Variants in KCNH5 observed in about 807,000 individuals in gnomAD.
KCNH5 encodes the protein voltage-gated delayed rectifier potassium channel KCNH5.
A neutral mutation model predicts 96.1 loss-of-function variants in KCNH5; 46 were observed. The observed-to-expected ratio is 0.48, with a 90% CI of 0.38 to 0.61. The LOEUF (loss-of-function observed/expected upper bound fraction) is 0.61. KCNH5 is among the 20% of genes least tolerant of loss of function. The probability of loss-of-function intolerance (pLI) is 0.00; values close to 1 mark genes in which losing one functional copy is unlikely to be tolerated. For missense variants in KCNH5, 907 were observed against 1,225.8 expected, an observed-to-expected ratio of 0.74 and a Z score of 3.88; for synonymous variants, 439 against 449.8, an observed-to-expected ratio of 0.98 and a Z score of 0.30.
At chr14:62,819,125 C>T (rs1887062430) in intron 8 of KCNH5, among the ~76,000 whole-genome samples, 1 of 152,046 alleles carries the variant, frequency 6.6e-6, no homozygotes, top group South Asian at 2.1e-4. Flanking sequence ...CGCCACCACG[C>T]CCAGCTAATT....
intron 10 of KCNH5, among the ~76,000 whole-genome samples, chr14:62,773,207 T>C (rs1886026887): frequency 6.6e-6 from 1 of 152,182 alleles, no homozygotes; most frequent in Non-Finnish European, 1.5e-5. Context: ...TAAGTGAACT[T>C]AGGCAATCAC....
chr14:63,007,099 C>A (rs1891141961), intron 2 of KCNH5, among the ~76,000 whole-genome samples: 1 of 152,130 alleles, frequency 6.6e-6, no homozygotes, highest in African/African-American at 2.4e-5. Context: ...AATGTCAATA[C>A]TACTGCCATT....
At chr14:62,866,539 G>A (rs1003518781) in intron 7 of KCNH5, among the ~76,000 whole-genome samples, 3 of 152,160 alleles carry the variant, frequency 2.0e-5, no homozygotes, top group African/African-American at 7.2e-5. Context: ...TGGCAGAAAT[G>A]TCAACTATAA....
intron 10 of KCNH5, among the ~76,000 whole-genome samples, chr14:62,752,204 T>A (rs1026574182): frequency 1.3e-5 from 2 of 152,142 alleles, no homozygotes; most frequent in Admixed American, 1.3e-4. Context: ...AGCCAATACC[T>A]CATCTGCATG....
intron 7 of KCNH5, among the ~76,000 whole-genome samples, chr14:62,883,690 G>A (rs1475480390): frequency 6.6e-6 from 1 of 152,044 alleles, no homozygotes; most frequent in Non-Finnish European, 1.5e-5. Flanking sequence ...GATAATGAGG[G>A]TGGAGGGAGA....
At chr14:62,846,767 G>A (rs982004387) in intron 8 of KCNH5, among the ~76,000 whole-genome samples, 2 of 65,166 alleles carry the variant, frequency 3.1e-5, no homozygotes, top group Admixed American at 1.7e-4. Context: ...ATTTATTATT[G>A]TATTGTATTA....
chr14:63,016,022 C>T lies in KCNH5; in HGVS notation c.197+809G>A, dbSNP rs190201875. Among the ~76,000 whole-genome samples the T allele has an allele frequency of 4.6e-4, 69 of 151,296 alleles. 1 individual carries two copies. The highest frequency in any genetic ancestry group is 1.7e-3 in the African/African-American group (69 of 41,282). ...GGGCAAGTCCCTTAACATAGCTCTA[C>T]CTCAGTTTTCTCATCTGAAAAACAG... is the stretch of plus-strand genomic sequence containing the variant. On this transcript the variant is annotated intron_variant, in intron 2 of 10. Coordinates refer to ENST00000322893, the MANE Select transcript of KCNH5 (RefSeq NM_139318.5).
At chr14:62,911,201 A>G (rs1203049374) in intron 7 of KCNH5, among the ~76,000 whole-genome samples, 2 of 152,098 alleles carry the variant, frequency 1.3e-5, no homozygotes, top group African/African-American at 4.8e-5. Flanking sequence ...GTGCATGGAG[A>G]GGAAATGTTG....
chr14:62,807,698 T>C (rs1255715890), intron 8 of KCNH5, among the ~76,000 whole-genome samples: 1 of 152,018 alleles, frequency 6.6e-6, no homozygotes, highest in Non-Finnish European at 1.5e-5. Context: ...AGAGATTTTA[T>C]ATAAAAAAGG....
intron 1 of KCNH5, among the ~76,000 whole-genome samples, chr14:63,026,359 C>T (rs548687535): frequency 1.3e-5 from 2 of 151,960 alleles, no homozygotes; most frequent in East Asian, 3.9e-4. Context: ...CAGAAATTAC[C>T]AAATGAAATT....
intron 10 of KCNH5, among the ~76,000 whole-genome samples, chr14:62,753,023 C>T (rs560575379): frequency 2.0e-4 from 31 of 152,158 alleles, no homozygotes; most frequent in African/African-American, 6.3e-4. Flanking sequence ...GGCACCAATC[C>T]CAGAGAGACA....
At chr14:62,769,058 AC>A (rs1452404300) in intron 10 of KCNH5, among the ~76,000 whole-genome samples, 3 of 152,176 alleles carry the variant, frequency 2.0e-5, no homozygotes, top group Non-Finnish European at 4.4e-5. Flanking sequence ...GCCTCTTTCT[AC>A]CCCCATCAGT....
chr14:62,801,395 A>T (rs1340378829), intron 9 of KCNH5, among the ~76,000 whole-genome samples: 1 of 151,288 alleles, frequency 6.6e-6, no homozygotes, highest in East Asian at 1.9e-4. Context: ...AAAAAAAAGA[A>T]ATGATTCTCC....
At chr14:62,838,552 T>C (rs1033214480) in intron 8 of KCNH5, among the ~76,000 whole-genome samples, 2 of 152,126 alleles carry the variant, frequency 1.3e-5, no homozygotes, top group Non-Finnish European at 2.9e-5. Context: ...CTGGGGTGCG[T>C]AGTATGAAGA....
chr14:62,977,227 T>G (rs1351219644), intron 6 of KCNH5, among the ~76,000 whole-genome samples: 1 of 151,604 alleles, frequency 6.6e-6, no homozygotes, highest in African/African-American at 2.4e-5. Context: ...ATTAGCCGAG[T>G]GTGGTGGTGC....
chr14:62,868,688 C>T lies in KCNH5; in HGVS notation c.1370-18836G>A, dbSNP rs1295747699. Among the ~76,000 whole-genome samples, 5 of 152,124 alleles carry T rather than the reference C, an allele frequency of 3.3e-5. No homozygotes were observed. In the East Asian group the frequency reaches 7.7e-4, roughly 23 times the overall value. ...TATCTACATGTTATCCCTCCCCTAT[C>T]CCCCTACCCGCTGACAGGCCCTGGT... is the stretch of plus-strand genomic sequence containing the variant. On this transcript the variant is annotated intron_variant, in intron 7 of 10. Transcript: ENST00000322893.
chr14:62,814,826 A>G (rs2140010946), intron 8 of KCNH5, among the ~76,000 whole-genome samples: 1 of 146,236 alleles, frequency 6.8e-6, no homozygotes, highest in Non-Finnish European at 1.5e-5. Flanking sequence ...GAGTCACTTC[A>G]TACGAAGTGG....
intron 3 of KCNH5, 96 bp from the exon 4 acceptor site, chr14:63,001,555 C>T: frequency 8.6e-7 from 1 of 1,159,054 alleles, no homozygotes; most frequent in Non-Finnish European, 1.2e-6. Flanking sequence ...CAGCTGCCAA[C>T]AGCTGTGCCA....
At chr14:62,813,304 C>T (rs189336432) in intron 8 of KCNH5, among the ~76,000 whole-genome samples, 153 of 152,256 alleles carry the variant, frequency 1.0e-3, no homozygotes, top group South Asian at 5.2e-3. Flanking sequence ...TCTGGGAGAT[C>T]TTTAGTCTTA....
Sources: gnomAD v4.1 joint callset for allele counts (sites outside exome capture counted in the v4.1 genomes callset) on GRCh38, gnomAD v4.1.1 for gene constraint, MANE v1.5 for transcripts, NCBI Gene and HGNC (gene_info 2026-07-23, HGNC 2026-07-21) for gene names.